The following ST3GAL2 variants were observed in gnomAD, a reference collection of about 807,000 sequenced individuals.
ST3GAL2 encodes ST3 beta-galactoside alpha-2,3-sialyltransferase 2.
Under a neutral mutation model 37.5 loss-of-function variants are expected in ST3GAL2, and 16 were observed. The observed-to-expected ratio is 0.43, with a 90% CI of 0.29 to 0.65. ST3GAL2 has a LOEUF of 0.65. ST3GAL2 is among the 30% of genes least tolerant of loss of function. ST3GAL2 has a pLI of 0.17. For synonymous variants in ST3GAL2, 238 were observed against 202.9 expected, an observed-to-expected ratio of 1.17 and a Z score of -1.47; for missense variants, 383 against 487.8, an observed-to-expected ratio of 0.79 and a Z score of 2.02.
intron 1 of ST3GAL2, among the ~76,000 whole-genome samples, chr16:70,425,534 C>T (rs1291866441): frequency 2.0e-5 from 3 of 151,956 alleles, no homozygotes; most frequent in African/African-American, 7.3e-5. Context: ...CCATGCTTTG[C>T]CATAGTTCTA....
intron 1 of ST3GAL2, among the ~76,000 whole-genome samples, chr16:70,426,833 G>A (rs1288913426): frequency 1.3e-5 from 2 of 150,990 alleles, no homozygotes; most frequent in African/African-American, 4.9e-5. Context: ...CAACCTTTAA[G>A]AATTATCTCT....
In ST3GAL2 at chr16:70,398,522, G is replaced by A; in HGVS notation, c.9C>T (p.Cys3=). The part of the protein sequence containing the change: MK[C]SLRVWFLSVA... Reference sequence around the variant, plus strand: ...CGGAGAGGAACCACACCCGCAGGGAGCACTTCATGGTGCCGGCAGGCGGGT... The same window carrying A: ...CGGAGAGGAACCACACCCGCAGGGAACACTTCATGGTGCCGGCAGGCGGGT... The change falls in exon 2 of 7, where the codon TGC becomes TGT. Residue 3 remains cysteine, a synonymous_variant. Transcript: ENST00000342907. 1 of 1,601,508 alleles carries A rather than the reference G, an allele frequency of 6.2e-7. No individual in the cohort carries two copies. The highest frequency in any genetic ancestry group is 8.5e-7 in the Non-Finnish European group (1 of 1,173,630).
intron 1 of ST3GAL2, among the ~76,000 whole-genome samples, chr16:70,425,060 T>G (rs1175308576): frequency 2.0e-5 from 3 of 152,014 alleles, no homozygotes; most frequent in African/African-American, 7.3e-5. Flanking sequence ...AGATGTCTTG[T>G]ATTGAGCTGG....
At chr16:70,407,459 T>C (rs921025128) in intron 1 of ST3GAL2, among the ~76,000 whole-genome samples, 10 of 152,142 alleles carry the variant, frequency 6.6e-5, no homozygotes, top group Non-Finnish European at 8.8e-5. Context: ...TCTAAGAAGT[T>C]TGTGGTCACA....
chr16:70,437,370 T>C (rs1345800233), intron 1 of ST3GAL2, among the ~76,000 whole-genome samples: 3 of 152,116 alleles, frequency 2.0e-5, no homozygotes, highest in Non-Finnish European at 2.9e-5. Flanking sequence ...CAGTGAACCA[T>C]CTGGTTCAGA....
chr16:70,402,876 C>A (rs948355674), intron 1 of ST3GAL2, among the ~76,000 whole-genome samples: 2 of 152,178 alleles, frequency 1.3e-5, no homozygotes, highest in Non-Finnish European at 2.9e-5. Context: ...GTCTTTAACT[C>A]CTGACCTCAG....
rs2047381584 is a variant in ST3GAL2, at chr16:70,379,726, A to T, written c.*1963T>A. 1 of 151,806 alleles carries T rather than the reference A, an allele frequency of 6.6e-6. No individual in the cohort carries two copies. The allele number at this position is 151,806 out of a possible 1,614,324, so 9.4% of individuals were successfully genotyped here. Reference sequence around the variant, plus strand: ...AACCTTCGCCTCCTCGGTTCAAGGGATTCTCCTGCCTCAGCCTTCCAAGTA... The same window carrying T: ...AACCTTCGCCTCCTCGGTTCAAGGGTTTCTCCTGCCTCAGCCTTCCAAGTA... On this transcript the variant is annotated 3_prime_UTR_variant, in exon 7 of 7. Coordinates refer to ENST00000342907, the MANE Select transcript of ST3GAL2 (RefSeq NM_006927.4).
intron 3 of ST3GAL2, among the ~76,000 whole-genome samples, chr16:70,389,780 T>A (rs1024175877): frequency 1.4e-5 from 2 of 146,518 alleles, no homozygotes; most frequent in Non-Finnish European, 3.0e-5. Context: ...TTTGTTTGGG[T>A]TTTTTGTTTG....
chr16:70,403,435 A>G (rs2047569037), intron 1 of ST3GAL2, among the ~76,000 whole-genome samples: 1 of 152,194 alleles, frequency 6.6e-6, no homozygotes, highest in Admixed American at 6.6e-5. Flanking sequence ...TAATCCCAAC[A>G]TTTTGGGAGG....
intron 4 of ST3GAL2, among the ~76,000 whole-genome samples, chr16:70,384,993 A>G (rs1328584053): frequency 2.0e-5 from 3 of 150,900 alleles, no homozygotes; most frequent in Non-Finnish European, 1.5e-5. Context: ...TGGGCAACAG[A>G]GCAAGACTCA....
intron 3 of ST3GAL2, chr16:70,393,821 A>G (rs1348916781): frequency 1.3e-5 from 2 of 152,246 alleles, no homozygotes; most frequent in Admixed American, 6.5e-5. Context: ...CCTCCGAGAC[A>G]TATTGCTGCC....
chr16:70,408,617 C>T (rs1246208296), intron 1 of ST3GAL2, among the ~76,000 whole-genome samples: 2 of 152,020 alleles, frequency 1.3e-5, no homozygotes, highest in African/African-American at 2.4e-5. Flanking sequence ...CTTTCCACTC[C>T]GCAGCACCAA....
At chr16:70,385,027 C>T (rs1371031360) in intron 4 of ST3GAL2, among the ~76,000 whole-genome samples, 1 of 146,462 alleles carries the variant, frequency 6.8e-6, no homozygotes, top group East Asian at 2.0e-4. Flanking sequence ...ACAAACAGGC[C>T]GGGTGCGGTG....
At chr16:70,416,247 C>T (rs1489379434) in intron 1 of ST3GAL2, among the ~76,000 whole-genome samples, 2 of 152,118 alleles carry the variant, frequency 1.3e-5, no homozygotes, top group Non-Finnish European at 2.9e-5. Flanking sequence ...ATTCATGCAG[C>T]GAGGTCAAGA....
chr16:70,399,836 G>A (rs2047543009), intron 1 of ST3GAL2: 1 of 163,540 alleles, frequency 6.1e-6, no homozygotes, highest in Non-Finnish European at 1.3e-5. Context: ...GCTATGTACA[G>A]TTAATTTCAG....
chr16:70,405,941 G>A (rs1164241557), intron 1 of ST3GAL2, among the ~76,000 whole-genome samples: 1 of 151,710 alleles, frequency 6.6e-6, no homozygotes, highest in African/African-American at 2.4e-5. Flanking sequence ...GGCGCCTGTG[G>A]TCCCAGCTAC....
At chr16:70,407,745 G>A (rs953943987) in intron 1 of ST3GAL2, among the ~76,000 whole-genome samples, 1 of 152,172 alleles carries the variant, frequency 6.6e-6, no homozygotes, top group East Asian at 1.9e-4. Flanking sequence ...AAAGCAAAGA[G>A]TGCCCCAAAA....
At chr16:70,381,957 G>GCCCCGGGGAGATGCAGGAGC in intron 6 of ST3GAL2, 95 bp from the exon 7 acceptor site, 1 of 1,516,912 alleles carries the variant, frequency 6.6e-7, no homozygotes, top group Non-Finnish European at 8.9e-7. Flanking sequence ...GGGACGGGAG[G>GCCCCGGGGAGATGCAGGAGC]CCCCGGGGAG....
intron 3 of ST3GAL2, among the ~76,000 whole-genome samples, chr16:70,393,241 C>T (rs1401908664): frequency 2.0e-5 from 3 of 152,134 alleles, no homozygotes; most frequent in African/African-American, 7.2e-5. Flanking sequence ...CCACGCCCAG[C>T]TAATTTTTGT....
Sources: allele counts gnomAD v4.1 joint callset (sites outside exome capture counted in the v4.1 genomes callset), GRCh38; gene constraint gnomAD v4.1.1; transcripts MANE v1.5; gene names NCBI Gene and HGNC (gene_info 2026-07-23, HGNC 2026-07-21).